Variants in TSPAN15 observed in about 807,000 individuals in gnomAD.
The protein encoded by TSPAN15 is tetraspanin-15.
A neutral mutation model predicts 34.5 loss-of-function variants in TSPAN15; 20 were observed. That is an observed-to-expected ratio of 0.58 (90% CI 0.41 to 0.84). The LOEUF is 0.84. Ranked by LOEUF, TSPAN15 falls within the 40% of genes least tolerant of loss-of-function variation. The pLI, the probability that TSPAN15 is intolerant of heterozygous loss-of-function variation, is 0.00. For missense variants in TSPAN15, 313 were observed against 386.1 expected (o/e 0.81, Z 1.59); for synonymous variants, 155 against 153.9 (o/e 1.01, Z -0.05).
At chr10:69,515,573 G>A in the TSPAN15 span, among the ~76,000 whole-genome samples, 26 of 152,188 alleles carry the variant, frequency 1.7e-4, no homozygotes, top group African/African-American at 6.0e-4. Context: ...CAGTCCAAGA[G>A]GCCCTGCCAG....
At chr10:69,512,408 C>A (rs1412339903), downstream of TSPAN15, among the ~76,000 whole-genome samples, 1 of 152,156 alleles carries the variant, frequency 6.6e-6, no homozygotes, top group Admixed American at 6.6e-5. Flanking sequence ...ATGTCCAATA[C>A]CATATTCTTG....
At chr10:69,460,179 C>G (rs894470605) in intron 1 of TSPAN15, among the ~76,000 whole-genome samples, 6 of 151,958 alleles carry the variant, frequency 3.9e-5, no homozygotes, top group African/African-American at 1.2e-4. Flanking sequence ...TGGTCTGACC[C>G]CTAGGGTGTG....
Position 69,506,071 on chromosome 10 carries a change from G to A in TSPAN15, c.619-53G>A, listed in dbSNP as rs772206238. On this transcript the variant is annotated intron_variant, in intron 6 of 7. Coordinates refer to ENST00000373290, the MANE Select transcript of TSPAN15 (RefSeq NM_012339.5). The surrounding 1 kb of genome is among the most constrained non-coding windows in gnomAD (Gnocchi z 4.7). ...TGTACATGGCAGAGTCGGGGCTGTG[G>A]CTCCTGCCAGCCGAGGTCCTCTGCT... 3.8e-4 allele frequency: 583 copies of A among 1,522,474 alleles called. No homozygotes were observed. The highest frequency in any genetic ancestry group is 5.1e-4 in the Middle Eastern group (3 of 5,858). The allele number at this position is 1,522,474 out of a possible 1,614,324, so 94.3% of individuals were successfully genotyped here.
chr10:69,506,911 T>G lies in TSPAN15; in HGVS notation c.818T>G (p.Leu273Arg). 3.1e-6 allele frequency: 5 copies of G among 1,608,880 alleles called. No homozygotes were observed. The highest frequency in any genetic ancestry group is 4.2e-6 in the Non-Finnish European group (5 of 1,178,226). The change falls in exon 8 of 8, where the codon CTG (leucine) becomes CGG (arginine). Residue 273 changes from leucine (L) to arginine (R), a missense_variant. Leu to Arg is a moderately radical substitution (Grantham distance 102, BLOSUM62 -2). Transcript: ENST00000373290. This position sits in a 1 kb window ranked among gnomAD's most constrained non-coding sequence, Gnocchi z 4.7. ...GAGCACTCTGTCACTGATGGGCTCC[T>G]GGGGCCCGGTGCCAAGCCCAGCGTG... The part of the protein sequence containing the change: ...IMEHSVTDGL[L>R]GPGAKPSVEA...
intron 1 of TSPAN15, among the ~76,000 whole-genome samples, chr10:69,461,944 C>T (rs1476119494): frequency 7.2e-6 from 1 of 138,924 alleles, no homozygotes; most frequent in Non-Finnish European, 1.5e-5. Flanking sequence ...ATCACCAGAG[C>T]TTCTGATTCA....
Position 69,451,503 on chromosome 10 carries a change from C to T in TSPAN15, c.-92C>T. ...AGAACGCCGGTGGCGGGGCTGGTAG[C>T]CCGGCAGCCGCAGGTGGGGCCACGA... On this transcript the variant is annotated 5_prime_UTR_variant, in exon 1 of 8. Coordinates refer to ENST00000373290, the MANE Select transcript of TSPAN15 (RefSeq NM_012339.5). 1.6e-6 allele frequency: 2 copies of T among 1,277,450 alleles called. No homozygotes were observed. Among genetic ancestry groups the T allele is most frequent in the East Asian group, 6.3e-5 (2 of 31,942 alleles). 79.1% of individuals were successfully genotyped at this position (1,277,450 alleles called of 1,614,324 possible). A position where few individuals can be genotyped will look rare whatever the true frequency, so the allele number is the denominator to read the frequency against.
At chr10:69,549,405 T>C in the TSPAN15 span, among the ~76,000 whole-genome samples, 1 of 152,190 alleles carries the variant, frequency 6.6e-6, no homozygotes, top group Non-Finnish European at 1.5e-5. Flanking sequence ...AAACCCTGGG[T>C]CTGGGGCAGG....
the TSPAN15 span, among the ~76,000 whole-genome samples, chr10:69,533,264 CAA>C: frequency 6.6e-6 from 1 of 152,142 alleles, no homozygotes. Flanking sequence ...GGAACCAACT[CAA>C]ATGCCCATCA....
intron 1 of TSPAN15, among the ~76,000 whole-genome samples, chr10:69,481,063 CCAAA>C (rs747683201): frequency 4.1e-4 from 62 of 152,280 alleles, no homozygotes; most frequent in Non-Finnish European, 7.9e-4. Flanking sequence ...TAGGCTGCCC[CCAAA>C]CAGTGATTTC....
chr10:69,451,644 ACC>A lies in TSPAN15; in HGVS notation c.51_52del (p.Trp19AlafsTer29). 6.5e-7 allele frequency: 1 copy of A among 1,545,466 alleles called. No individual in the cohort carries two copies. Among genetic ancestry groups the A allele is most frequent in the Non-Finnish European group, 8.7e-7 (1 of 1,144,364 alleles). ...GTGCGCTACTGCGCGCGCTTCTCCTACCTCTGGCTCAAGTTTTCACTTATCAT... is the reference window on the plus strand; with the variant it reads ...GTGCGCTACTGCGCGCGCTTCTCCTATCTGGCTCAAGTTTTCACTTATCAT... On this transcript the variant is annotated frameshift_variant, in exon 1 of 8. Transcript: ENST00000373290. LOFTEE classifies it high-confidence loss of function.
chr10:69,453,522 A>G (rs1344220418), intron 1 of TSPAN15, among the ~76,000 whole-genome samples: 1 of 151,976 alleles, frequency 6.6e-6, no homozygotes, highest in African/African-American at 2.4e-5. Context: ...TTTGGGCTTC[A>G]CCCCTTCCCC....
rs1392363694 is a variant in TSPAN15 at position 69,489,161 on chromosome 10, G to GA, written c.357+3950dup. Among the ~76,000 whole-genome samples the GA allele has an allele frequency of 2.6e-5, 4 of 152,260 alleles. No individual in the cohort carries two copies. In the South Asian group the frequency reaches 6.2e-4, roughly 24 times the overall value. The stretch of plus-strand genomic sequence containing the variant: ...TGTTAATATCAATATTCCTTGCTAG[G>GA]AAAAGAATTTAGCGATATCTTCCCT... On this transcript the variant is annotated intron_variant, in intron 3 of 7. Coordinates refer to ENST00000373290, the MANE Select transcript of TSPAN15 (RefSeq NM_012339.5).
intron 3 of TSPAN15, among the ~76,000 whole-genome samples, chr10:69,485,574 G>T (rs970135157): frequency 1.3e-5 from 2 of 152,114 alleles, no homozygotes; most frequent in African/African-American, 4.8e-5. Flanking sequence ...AGGTGAAGTC[G>T]AAAGGGCTGG....
At position 69,506,999 on chromosome 10, in the gene TSPAN15, C is replaced by G; in HGVS notation, c.*21C>G. 1.2e-6 allele frequency: 2 copies of G among 1,604,586 alleles called. No homozygotes were observed. Among genetic ancestry groups the G allele is most frequent in the East Asian group, 2.2e-5 (1 of 44,582 alleles). ...ATTAGGGCCCAGCCTGCCATGGCAGCTCCAACAAGGACCGTCTGGGATAGC... is the reference window on the plus strand; with the variant it reads ...ATTAGGGCCCAGCCTGCCATGGCAGGTCCAACAAGGACCGTCTGGGATAGC... On this transcript the variant is annotated 3_prime_UTR_variant, in exon 8 of 8. Coordinates refer to ENST00000373290, the MANE Select transcript of TSPAN15 (RefSeq NM_012339.5). This position sits in a 1 kb window ranked among gnomAD's most constrained non-coding sequence, Gnocchi z 4.7.
chr10:69,457,954 T>G (rs1841150652), intron 1 of TSPAN15, among the ~76,000 whole-genome samples: 1 of 152,188 alleles, frequency 6.6e-6, no homozygotes, highest in South Asian at 2.1e-4. Context: ...TGAGAAGGGC[T>G]GTTAAAGACA....
intron 3 of TSPAN15, chr10:69,495,025 C>G (rs576478917): frequency 5.2e-4 from 157 of 304,798 alleles, no homozygotes; most frequent in Non-Finnish European, 6.6e-4. Flanking sequence ...AGGAGAACAG[C>G]CCATGAGGGA....
chr10:69,491,453 C>A (rs1171606412), intron 3 of TSPAN15, among the ~76,000 whole-genome samples: 1 of 152,182 alleles, frequency 6.6e-6, no homozygotes, highest in Non-Finnish European at 1.5e-5. Context: ...AGCCTCAGCT[C>A]CTAGGCTCAA....
chr10:69,520,221 A>G, the TSPAN15 span, among the ~76,000 whole-genome samples: 3 of 152,110 alleles, frequency 2.0e-5, no homozygotes, highest in African/African-American at 7.2e-5. Context: ...TTCTGTCTCT[A>G]TGAATTTGCC....
rs1842357672 is a variant in TSPAN15, at chr10:69,507,476, A to G, written c.*498A>G. 1 of 1,303,678 alleles carries G rather than the reference A, an allele frequency of 7.7e-7. No individual in the cohort carries two copies. The highest frequency in any genetic ancestry group is 1.2e-5 in the South Asian group (1 of 80,844). The allele number at this position is 1,303,678 out of a possible 1,614,324, so 80.8% of individuals were successfully genotyped here. Reference sequence around the variant, plus strand: ...TCTTCTCAGCCTCCCAGGTGCCTTGAGCCCTCTTGCAAGGGCGGCTGCTTC... The same window carrying G: ...TCTTCTCAGCCTCCCAGGTGCCTTGGGCCCTCTTGCAAGGGCGGCTGCTTC... On this transcript the variant is annotated 3_prime_UTR_variant, in exon 8 of 8. Coordinates refer to ENST00000373290, the MANE Select transcript of TSPAN15 (RefSeq NM_012339.5).
Sources: allele counts gnomAD v4.1 joint callset (sites outside exome capture counted in the v4.1 genomes callset), GRCh38; gene constraint gnomAD v4.1.1; non-coding constraint Gnocchi (gnomAD v3.1); transcripts MANE v1.5; gene names NCBI Gene and HGNC (gene_info 2026-07-23, HGNC 2026-07-21).